The following NR3C2 variants were observed in gnomAD, a reference collection of about 807,000 sequenced individuals.
NR3C2 encodes nuclear receptor subfamily 3 group C member 2.
In NR3C2, 15 loss-of-function variants were observed where a neutral mutation model predicts 86.4. The ratio of observed to expected loss-of-function variants is 0.17; its 90% confidence interval spans 0.12 to 0.27. NR3C2 has a LOEUF of 0.27. Ranked by LOEUF, NR3C2 falls within the 10% of genes least tolerant of loss-of-function variation. NR3C2 has a pLI of 1.00. For missense variants in NR3C2, 960 were observed against 1,195.6 expected, an observed-to-expected ratio of 0.80 and a Z score of 2.91; for synonymous variants, 458 against 450.5, an observed-to-expected ratio of 1.02 and a Z score of -0.21.
Position 148,080,288 on chromosome 4 carries a change from A to G in NR3C2, c.*1056T>C, listed in dbSNP as rs1425354686. 6.6e-6 allele frequency: 1 copy of G among 152,632 alleles called. No homozygotes were observed. Among genetic ancestry groups the G allele is most frequent in the African/African-American group, 2.4e-5 (1 of 41,452 alleles). 9.5% of individuals were successfully genotyped at this position (152,632 alleles called of 1,614,324 possible). On this transcript the variant is annotated 3_prime_UTR_variant, in exon 9 of 9. Coordinates refer to ENST00000358102, the MANE Select transcript of NR3C2 (RefSeq NM_000901.5). ...CAAGAACAAAACAAAAAGTACAGAA[A>G]AAGTAGAAAGGTTTCAAGACAACCG... is the stretch of plus-strand genomic sequence containing the variant.
intron 2 of NR3C2, among the ~76,000 whole-genome samples, chr4:148,366,267 G>A (rs1045510153): frequency 2.0e-5 from 3 of 151,776 alleles, no homozygotes; most frequent in African/African-American, 7.3e-5. Context: ...TTGTTTCCAT[G>A]CCTTTCCCCA....
rs868308937 is a variant in NR3C2, at chr4:148,118,247, C to T, written c.2641+1911G>A. The stretch of plus-strand genomic sequence containing the variant: ...ACTTGGTTCCAGAAGCCCAAAACAG[C>T]TTCTCATCAATTTGCAAGTCCCTGG... On this transcript the variant is annotated intron_variant, in intron 7 of 8. Transcript: ENST00000358102. Among the ~76,000 whole-genome samples the T allele has an allele frequency of 2.0e-5, 3 of 152,194 alleles. 1 individual carries two copies. The highest frequency in any genetic ancestry group is 2.1e-4 in the South Asian group (1 of 4,820).
intron 2 of NR3C2, among the ~76,000 whole-genome samples, chr4:148,373,470 C>CCTTT (rs1746515193): frequency 7.7e-6 from 1 of 129,796 alleles, no homozygotes; most frequent in African/African-American, 3.2e-5. Context: ...TAAAGGATGA[C>CCTTT]TTTTTTTTTC....
chr4:148,087,332 T>C (rs1730860301), intron 8 of NR3C2, among the ~76,000 whole-genome samples: 1 of 152,170 alleles, frequency 6.6e-6, no homozygotes, highest in South Asian at 2.1e-4. Flanking sequence ...CAAAGTAATT[T>C]ATAGATTCAA....
chr4:148,429,071 C>A (rs1451410232), intron 2 of NR3C2, among the ~76,000 whole-genome samples: 1 of 152,132 alleles, frequency 6.6e-6, no homozygotes, highest in Non-Finnish European at 1.5e-5. Flanking sequence ...GGATTTTGCT[C>A]ACAGAGCTCC....
intron 3 of NR3C2, among the ~76,000 whole-genome samples, chr4:148,207,000 C>A (rs1419669455): frequency 6.6e-6 from 1 of 152,088 alleles, no homozygotes; most frequent in Non-Finnish European, 1.5e-5. Context: ...CAGCTCACTG[C>A]AGCCTTGATC....
At chr4:148,095,860 C>T (rs891350479) in intron 8 of NR3C2, among the ~76,000 whole-genome samples, 1 of 152,162 alleles carries the variant, frequency 6.6e-6, no homozygotes, top group African/African-American at 2.4e-5. Context: ...TTTCTGAAAA[C>T]TCATCCCGGC....
intron 6 of NR3C2, among the ~76,000 whole-genome samples, chr4:148,151,229 C>G (rs753660828): frequency 6.6e-6 from 1 of 151,448 alleles, no homozygotes; most frequent in Non-Finnish European, 1.5e-5. Context: ...TAAAATCAAA[C>G]GCTGAGGGCA....
intron 2 of NR3C2, among the ~76,000 whole-genome samples, chr4:148,365,389 C>T (rs1397409156): frequency 1.3e-5 from 2 of 151,998 alleles, no homozygotes; most frequent in African/African-American, 2.4e-5. Context: ...GGATACTCAA[C>T]CTGTACTGGT....
chr4:148,356,899 CTGTGTGTGTGTGTGTGTGTGTGTG>C (rs67285458), intron 2 of NR3C2, among the ~76,000 whole-genome samples: 71,102 of 148,956 alleles, frequency 0.48, 17,207 homozygotes, highest in East Asian at 0.73. Context: ...CTAAGCACGA[CTGTGTGTGTGTGTGTGTGTGTGTG>C]TGTGTGTGTG....
chr4:148,436,518 C>T lies in NR3C2; in HGVS notation c.343G>A (p.Ala115Thr). 1 of 1,614,220 alleles carries T rather than the reference C, an allele frequency of 6.2e-7. No individual in the cohort carries two copies. The highest frequency in any genetic ancestry group is 8.5e-7 in the Non-Finnish European group (1 of 1,180,050). Reference protein sequence around the residue: ...MGLYMDSVRDADYSYEQQNQQ... With the variant: ...MGLYMDSVRDTDYSYEQQNQQ... ...TTCTGCTGCTCATAGGAATAGTCAG[C>T]ATCTCTTACAGAATCCATATATAAA... is the stretch of plus-strand genomic sequence containing the variant. The change falls in exon 2 of 9, where the codon GCT becomes ACT. Residue 115 changes from alanine to threonine, a missense_variant. This residue lies in a region of NR3C2 where 680 missense variants were observed against 719.0 expected (regional missense o/e 0.95). Coordinates refer to ENST00000358102, the MANE Select transcript of NR3C2 (RefSeq NM_000901.5).
At chr4:148,120,335 C>G in intron 6 of NR3C2, 47 bp from the exon 7 acceptor site, 1 of 1,612,462 alleles carries the variant, frequency 6.2e-7, no homozygotes, top group South Asian at 1.1e-5. Context: ...GATTCATTAT[C>G]AAACCCAGAC....
intron 2 of NR3C2, among the ~76,000 whole-genome samples, chr4:148,390,223 C>A (rs933422608): frequency 6.7e-6 from 1 of 150,276 alleles, no homozygotes; most frequent in African/African-American, 2.4e-5. Flanking sequence ...GATCAGGAAC[C>A]CTTCAAGTAT....
At chr4:148,320,100 T>C (rs1218453406) in intron 2 of NR3C2, among the ~76,000 whole-genome samples, 1 of 116,170 alleles carries the variant, frequency 8.6e-6, no homozygotes, top group Non-Finnish European at 1.7e-5. Flanking sequence ...TTGTTGAATT[T>C]TGTCAAAGGC....
At chr4:148,087,914 C>A (rs185444866) in intron 8 of NR3C2, among the ~76,000 whole-genome samples, 1 of 152,180 alleles carries the variant, frequency 6.6e-6, no homozygotes, top group Non-Finnish European at 1.5e-5. Context: ...AAGAAACTAT[C>A]ATCAGAGTGA....
At chr4:148,418,835 A>C (rs1028974167) in intron 2 of NR3C2, among the ~76,000 whole-genome samples, 1 of 152,198 alleles carries the variant, frequency 6.6e-6, no homozygotes, top group Non-Finnish European at 1.5e-5. Context: ...CTTAGAGAGG[A>C]TAGGTAACTT....
chr4:148,323,918 TAA>T (rs1343858233), intron 2 of NR3C2, among the ~76,000 whole-genome samples: 1 of 152,198 alleles, frequency 6.6e-6, no homozygotes. Flanking sequence ...ATCTCATTTT[TAA>T]AGAGTCTTCA....
intron 8 of NR3C2, among the ~76,000 whole-genome samples, chr4:148,105,398 A>C (rs578037562): frequency 9.9e-4 from 150 of 152,282 alleles, no homozygotes; most frequent in African/African-American, 3.5e-3. Context: ...CCTACCAACC[A>C]AAAAAAGCCC....
At chr4:148,374,831 T>C (rs1746593773) in intron 2 of NR3C2, among the ~76,000 whole-genome samples, 1 of 152,336 alleles carries the variant, frequency 6.6e-6, no homozygotes, top group South Asian at 2.1e-4. Flanking sequence ...ACCTGTGCTT[T>C]CTGAAATCCC....
Sources: gnomAD v4.1 joint callset for allele counts (sites outside exome capture counted in the v4.1 genomes callset) on GRCh38, gnomAD v4.1.1 for gene constraint, gnomAD v4.1.1 regional missense constraint, MANE v1.5 for transcripts, NCBI Gene and HGNC (gene_info 2026-07-23, HGNC 2026-07-21) for gene names.